PDE12: variants seen among roughly 807,000 people sequenced by gnomAD.
PDE12 encodes phosphodiesterase 12.
A neutral mutation model predicts 45.4 loss-of-function variants in PDE12; 26 were observed. That is an observed-to-expected ratio of 0.57 (90% confidence interval 0.42 to 0.79). The LOEUF is 0.79. PDE12 is among the 30% of genes least tolerant of loss of function. The probability of loss-of-function intolerance (pLI) is 0.00; values close to 1 mark genes in which losing one functional copy is unlikely to be tolerated. For missense variants in PDE12, 668 were observed against 790.0 expected (o/e 0.85, Z 1.85); for synonymous variants, 283 against 323.9 (o/e 0.87, Z 1.36).
At chr3:57,641,616 T>A in the PDE12 span, 1 of 1,563,444 alleles carries the variant, frequency 6.4e-7, no homozygotes, top group South Asian at 1.2e-5. Flanking sequence ...TCAGCAACAC[T>A]GCACACTAGA....
chr3:57,599,338 T>C, the PDE12 span, among the ~76,000 whole-genome samples: 120 of 152,350 alleles, frequency 7.9e-4, 1 homozygote, highest in African/African-American at 2.4e-3. Context: ...AGGTTGGCCC[T>C]AAGCAGTTCC....
chr3:57,579,334 C>T, the PDE12 span, among the ~76,000 whole-genome samples: 3 of 150,728 alleles, frequency 2.0e-5, no homozygotes. Flanking sequence ...TTCACCCAGG[C>T]TGGAGTGCAG....
At chr3:57,627,103 ATTAGT>A in the PDE12 span, 72 of 152,294 alleles carry the variant, frequency 4.7e-4, no homozygotes, top group African/African-American at 1.6e-3. Context: ...AGCCAAGTTC[ATTAGT>A]TTAAACATTT....
Position 57,556,778 on chromosome 3 carries a change from T to A in PDE12, c.399T>A (p.Ala133=). The A allele has an allele frequency of 6.2e-7, 1 of 1,610,648 alleles. No homozygotes were observed. The highest frequency in any genetic ancestry group is 8.5e-7 in the Non-Finnish European group (1 of 1,177,552). The part of the protein sequence containing the change: ...VKLYYREEAV[A]EDVLNVDAWQ... ...TGTACTACCGGGAAGAGGCAGTGGC[T>A]GAGGACGTGCTCAACGTGGATGCCT... The change falls in exon 1 of 3, where the codon GCT becomes GCA. Residue 133 remains alanine (A), a synonymous_variant. Transcript: ENST00000311180. The surrounding 1 kb of genome is among the most constrained non-coding windows in gnomAD (Gnocchi z 5.0).
At chr3:57,596,458 G>C in the PDE12 span, 1 of 152,182 alleles carries the variant, frequency 6.6e-6, no homozygotes, top group African/African-American at 2.4e-5. Context: ...GATTAACAAG[G>C]AGCGAAAAAC....
chr3:57,603,166 C>CAA, the PDE12 span, among the ~76,000 whole-genome samples: 5 of 140,132 alleles, frequency 3.6e-5, no homozygotes, highest in Non-Finnish European at 6.2e-5. Flanking sequence ...GACTCCGTCT[C>CAA]AAAAAAAAAA....
At chr3:57,656,432 T>TGGATA in the PDE12 span, among the ~76,000 whole-genome samples, 2 of 152,224 alleles carry the variant, frequency 1.3e-5, no homozygotes, top group East Asian at 1.9e-4. Flanking sequence ...TACCAGTTGA[T>TGGATA]GGATACTTCG....
chr3:57,631,574 A>G, the PDE12 span, among the ~76,000 whole-genome samples: 2 of 152,172 alleles, frequency 1.3e-5, no homozygotes, highest in Non-Finnish European at 1.5e-5. Context: ...TTTTACATGC[A>G]TGATCTCTTG....
At chr3:57,622,119 TG>T in the PDE12 span, among the ~76,000 whole-genome samples, 2 of 152,258 alleles carry the variant, frequency 1.3e-5, no homozygotes, top group South Asian at 4.1e-4. Flanking sequence ...GAGGTTGCGG[TG>T]AGCCAAGATA....
chr3:57,606,281 T>G, the PDE12 span, among the ~76,000 whole-genome samples: 4 of 152,236 alleles, frequency 2.6e-5, no homozygotes, highest in Non-Finnish European at 5.9e-5. Flanking sequence ...AAGATAAGGG[T>G]GACATCGTAT....
the PDE12 span, among the ~76,000 whole-genome samples, chr3:57,591,477 T>C: frequency 2.0e-5 from 3 of 151,058 alleles, no homozygotes. Context: ...TTTTCTTTTT[T>C]TTTTTTTGAG....
At chr3:57,639,394 A>C in the PDE12 span, among the ~76,000 whole-genome samples, 1 of 152,192 alleles carries the variant, frequency 6.6e-6, no homozygotes, top group Non-Finnish European at 1.5e-5. Context: ...TGCTCTACCA[A>C]TGATTTTGTG....
chr3:57,585,960 C>A, the PDE12 span, among the ~76,000 whole-genome samples: 2 of 152,046 alleles, frequency 1.3e-5, no homozygotes, highest in South Asian at 2.1e-4. Flanking sequence ...CTGTGTCCGG[C>A]CTAAATTCTT....
At chr3:57,572,929 G>A in the PDE12 span, among the ~76,000 whole-genome samples, 2 of 151,986 alleles carry the variant, frequency 1.3e-5, no homozygotes, top group African/African-American at 4.8e-5. Flanking sequence ...TAGGCCGGGC[G>A]TGGTGGCTCA....
chr3:57,607,007 GAC>G, the PDE12 span, among the ~76,000 whole-genome samples: 1 of 152,294 alleles, frequency 6.6e-6, no homozygotes, highest in Non-Finnish European at 1.5e-5. Flanking sequence ...AGTAGGGGCA[GAC>G]TGACACCCCA....
At chr3:57,650,714 CAA>C in the PDE12 span, among the ~76,000 whole-genome samples, 1 of 151,650 alleles carries the variant, frequency 6.6e-6, no homozygotes, top group African/African-American at 2.4e-5. Context: ...TCATAATAAC[CAA>C]AAGTGTAAAC....
the PDE12 span, among the ~76,000 whole-genome samples, chr3:57,649,134 AT>A: frequency 6.6e-6 from 1 of 152,230 alleles, no homozygotes; most frequent in Admixed American, 6.5e-5. Context: ...AATATCCAGA[AT>A]CTATAAGGAA....
At chr3:57,612,154 C>G in the PDE12 span, among the ~76,000 whole-genome samples, 17 of 147,036 alleles carry the variant, frequency 1.2e-4, no homozygotes, top group East Asian at 3.3e-3. Flanking sequence ...AAAAACCAAA[C>G]ATCGTATGTT....
At chr3:57,597,676 C>G in the PDE12 span, 7 of 153,650 alleles carry the variant, frequency 4.6e-5, no homozygotes, top group Admixed American at 4.6e-4. Context: ...CAGGGTGAGA[C>G]GCTTCCGCCC....
Sources: gnomAD v4.1 joint callset for allele counts (sites outside exome capture counted in the v4.1 genomes callset) on GRCh38, gnomAD v4.1.1 for gene constraint, Gnocchi (gnomAD v3.1) non-coding constraint, MANE v1.5 for transcripts, NCBI Gene and HGNC (gene_info 2026-07-23, HGNC 2026-07-21) for gene names.